The following CNTNAP5 variants were observed in gnomAD, a reference collection of about 807,000 sequenced individuals.
CNTNAP5 encodes contactin-associated protein-like 5.
A neutral mutation model predicts 150.2 loss-of-function variants in CNTNAP5; 72 were observed. That is an observed-to-expected ratio of 0.48 (90% CI 0.40 to 0.58). CNTNAP5 has a LOEUF of 0.58. Among genes scored for constraint, CNTNAP5 ranks in the 20% least tolerant of loss-of-function variants. The probability of loss-of-function intolerance (pLI) is 0.00; values close to 1 mark genes in which losing one functional copy is unlikely to be tolerated. For missense variants in CNTNAP5, 1,636 were observed against 1,626.2 expected, an observed-to-expected ratio of 1.01 and a Z score of -0.10; for synonymous variants, 672 against 619.8, an observed-to-expected ratio of 1.08 and a Z score of -1.25.
rs561248874 is a variant in CNTNAP5 at position 124,636,860 on chromosome 2, G to A, written c.1877-10898G>A. ...GTAGCCAGATACCCTTCACGTTTAC[G>A]ATTCTGCCACATTTGCAAATTTGTG... On this transcript the variant is annotated intron_variant, in intron 12 of 23. Coordinates refer to ENST00000682447, the MANE Select transcript of CNTNAP5 (RefSeq NM_001367498.1). Among the ~76,000 whole-genome samples, 11 of 136,060 alleles carry A rather than the reference G, an allele frequency of 8.1e-5. No homozygotes were observed. The Admixed American group carries it at 8.1e-4, about 10-fold the overall frequency. The allele number at this position is 136,060 out of a possible 152,430, so 89.3% of individuals were successfully genotyped here.
chr2:124,446,919 C>G lies in CNTNAP5; in HGVS notation c.900C>G (p.Ala300=). Residue 300 remains alanine (A), a synonymous_variant, in exon 6 of 24, where the codon GCC becomes GCG. Coordinates refer to ENST00000682447, the MANE Select transcript of CNTNAP5 (RefSeq NM_001367498.1). The stretch of plus-strand genomic sequence containing the variant: ...TCCGCACCAAGGGCGAGACGGATGC[C>G]TTAGACATTGACTATGAGGTGAGTT... The part of the protein sequence containing the change: ...QHFRTKGETD[A]LDIDYELSFG... The G allele has an allele frequency of 6.2e-7, 1 of 1,613,556 alleles. No homozygotes were observed. The highest frequency in any genetic ancestry group is 8.5e-7 in the Non-Finnish European group (1 of 1,179,624).
intron 11 of CNTNAP5, among the ~76,000 whole-genome samples, chr2:124,574,187 AG>A (rs1204770321): frequency 6.6e-6 from 1 of 152,136 alleles, no homozygotes; most frequent in Non-Finnish European, 1.5e-5. Flanking sequence ...CCCCGGTGGC[AG>A]GTTGCGGGGG....
At chr2:124,843,905 T>C (rs1256057819) in intron 19 of CNTNAP5, among the ~76,000 whole-genome samples, 1 of 152,168 alleles carries the variant, frequency 6.6e-6, no homozygotes, top group Admixed American at 6.6e-5. Flanking sequence ...TTCTGGATAT[T>C]AGTCCTTTTT....
chr2:124,300,985 C>T (rs1688557582), intron 3 of CNTNAP5, among the ~76,000 whole-genome samples: 1 of 151,940 alleles, frequency 6.6e-6, no homozygotes, highest in Non-Finnish European at 1.5e-5. Context: ...TACAAAATAC[C>T]ACAGTGAAAA....
intron 13 of CNTNAP5, among the ~76,000 whole-genome samples, chr2:124,706,832 A>G (rs1256585804): frequency 0.022 from 67 of 2,978 alleles, 6 homozygotes; most frequent in African/African-American, 0.047. Flanking sequence ...GAGGAAGAGG[A>G]GGAGGGGGAG....
intron 13 of CNTNAP5, among the ~76,000 whole-genome samples, chr2:124,701,015 A>G (rs1252107219): frequency 2.0e-5 from 3 of 152,018 alleles, no homozygotes; most frequent in Non-Finnish European, 4.4e-5. Flanking sequence ...TTGTGGCAAG[A>G]GCAGCCAAAT....
intron 3 of CNTNAP5, among the ~76,000 whole-genome samples, chr2:124,300,721 C>T (rs1042520318): frequency 6.6e-6 from 1 of 152,180 alleles, no homozygotes; most frequent in Admixed American, 6.5e-5. Flanking sequence ...ATTCCCTTGC[C>T]TTCCTCCATT....
chr2:124,127,703 A>G (rs913660698), intron 1 of CNTNAP5, among the ~76,000 whole-genome samples: 36 of 152,244 alleles, frequency 2.4e-4, no homozygotes, highest in Non-Finnish European at 4.6e-4. Context: ...TACTGGTACC[A>G]AAACAGAGAT....
chr2:124,306,584 C>A (rs1369516385), intron 3 of CNTNAP5, among the ~76,000 whole-genome samples: 1 of 152,162 alleles, frequency 6.6e-6, no homozygotes. Context: ...ACAGTGTGCA[C>A]TGCACAGGTT....
chr2:124,844,284 T>C (rs749705852), intron 19 of CNTNAP5, among the ~76,000 whole-genome samples: 21 of 152,010 alleles, frequency 1.4e-4, no homozygotes, highest in Non-Finnish European at 2.9e-4. Context: ...TTCCCCACTT[T>C]ATGTTTTTGT....
At chr2:124,271,662 T>C (rs924749509) in intron 3 of CNTNAP5, among the ~76,000 whole-genome samples, 1 of 122,118 alleles carries the variant, frequency 8.2e-6, no homozygotes, top group South Asian at 2.7e-4. Flanking sequence ...TTTTTTAATC[T>C]ATCTATCTAT....
chr2:124,484,409 T>C (rs969134108), intron 7 of CNTNAP5, among the ~76,000 whole-genome samples: 7 of 152,320 alleles, frequency 4.6e-5, no homozygotes, highest in African/African-American at 1.7e-4. Flanking sequence ...GAATAATCTT[T>C]GAAGGAAGTA....
At chr2:124,883,581 T>TA (rs1678012832) in intron 21 of CNTNAP5, among the ~76,000 whole-genome samples, 3 of 152,098 alleles carry the variant, frequency 2.0e-5, no homozygotes, top group Admixed American at 1.3e-4. Flanking sequence ...GGTATAGCAA[T>TA]GTTTTTTTGT....
At position 124,544,895 on chromosome 2, in the gene CNTNAP5, A is replaced by T. The variant is rs142420826; in HGVS notation, c.1649+17439A>T. Among the ~76,000 whole-genome samples the T allele has an allele frequency of 6.2e-3, 939 of 152,292 alleles. 7 individuals are homozygous for T. Among genetic ancestry groups the T allele is most frequent in the Non-Finnish European group, 9.7e-3 (662 of 68,004 alleles). On this transcript the variant is annotated intron_variant, in intron 10 of 23. Transcript: ENST00000682447. ...CAGGCTGGATATGGTCATGGTCACTATCTGTCATGGAGCCCCTTCTCCCAA... is the reference window on the plus strand; with the variant it reads ...CAGGCTGGATATGGTCATGGTCACTTTCTGTCATGGAGCCCCTTCTCCCAA...
chr2:124,354,378 A>T (rs554625107), intron 3 of CNTNAP5, among the ~76,000 whole-genome samples: 38 of 152,292 alleles, frequency 2.5e-4, no homozygotes, highest in Non-Finnish European at 4.7e-4. Flanking sequence ...CGAAAAACAC[A>T]CTTTGCCAAA....
chr2:124,248,609 GCTC>G (rs1687087640), intron 3 of CNTNAP5, among the ~76,000 whole-genome samples: 1 of 152,192 alleles, frequency 6.6e-6, no homozygotes, highest in Non-Finnish European at 1.5e-5. Flanking sequence ...GCCCATGAAA[GCTC>G]CTCACTGATG....
At chr2:124,663,046 C>T (rs975779322) in intron 13 of CNTNAP5, among the ~76,000 whole-genome samples, 16 of 152,148 alleles carry the variant, frequency 1.1e-4, no homozygotes, top group African/African-American at 2.9e-4. Context: ...ATTACAAAAC[C>T]ATCTGAGTTA....
intron 1 of CNTNAP5, among the ~76,000 whole-genome samples, chr2:124,176,444 C>A (rs981775515): frequency 6.6e-6 from 1 of 152,076 alleles, no homozygotes; most frequent in Non-Finnish European, 1.5e-5. Context: ...AGTATAGGGG[C>A]CAAGGGAAAA....
At chr2:124,447,499 G>T (rs1016070271) in intron 6 of CNTNAP5, among the ~76,000 whole-genome samples, 3 of 152,264 alleles carry the variant, frequency 2.0e-5, no homozygotes, top group African/African-American at 7.2e-5. Flanking sequence ...CCAAGAGTTT[G>T]CCAGCTTTGT....
Sources: allele counts gnomAD v4.1 joint callset (sites outside exome capture counted in the v4.1 genomes callset), GRCh38; gene constraint gnomAD v4.1.1; transcripts MANE v1.5; gene names NCBI Gene and HGNC (gene_info 2026-07-23, HGNC 2026-07-21).